The following CNTNAP2 variants were observed in gnomAD, a reference collection of about 807,000 sequenced individuals.
CNTNAP2 encodes contactin associated protein 2.
Under a neutral mutation model 155.2 loss-of-function variants are expected in CNTNAP2, and 98 were observed. The observed-to-expected ratio is 0.63, with a 90% CI of 0.54 to 0.75. The LOEUF is 0.75. CNTNAP2 is among the 30% of genes least tolerant of loss of function. The probability of loss-of-function intolerance (pLI) is 0.00; values close to 1 mark genes in which losing one functional copy is unlikely to be tolerated. For missense variants in CNTNAP2, 1,727 were observed against 1,688.1 expected (o/e 1.02, Z -0.40); for synonymous variants, 651 against 631.2 (o/e 1.03, Z -0.47).
At chr7:148,266,616 A>ATG (rs777213593) in intron 20 of CNTNAP2, among the ~76,000 whole-genome samples, 16 of 132,444 alleles carry the variant, frequency 1.2e-4, no homozygotes, top group South Asian at 4.6e-4. Context: ...GTGTGTGTGT[A>ATG]TGTGTGTGTG....
intron 13 of CNTNAP2, among the ~76,000 whole-genome samples, chr7:147,729,386 C>T (rs559102577): frequency 1.4e-5 from 2 of 147,372 alleles, no homozygotes; most frequent in East Asian, 4.0e-4. Flanking sequence ...TAAGGGCCTC[C>T]CGCTCTAATA....
intron 9 of CNTNAP2, among the ~76,000 whole-genome samples, chr7:147,362,119 G>T (rs960049946): frequency 8.5e-5 from 13 of 152,122 alleles, no homozygotes; most frequent in African/African-American, 3.1e-4. Flanking sequence ...AGTGTTTTCA[G>T]TAAAGGAGTA....
In CNTNAP2 at chr7:147,182,125, C is replaced by CAA. The variant is rs10718876; in HGVS notation, c.1348+49636_1348+49637dup. 4.3e-3 allele frequency among the ~76,000 whole-genome samples: 392 copies of CAA among 92,122 alleles called. 3 individuals are homozygous for CAA. Among genetic ancestry groups the CAA allele is most frequent in the Non-Finnish European group, 5.3e-3 (260 of 48,838 alleles). The allele number at this position is 92,122 out of a possible 152,430, so 60.4% of individuals were successfully genotyped here. ...TGGGCAAGAGAGTGAGACTCCATCT[C>CAA]AAAAAAAAAAAAAAAAAAAAAGAAA... is the stretch of plus-strand genomic sequence containing the variant. On this transcript the variant is annotated intron_variant, in intron 8 of 23. Transcript: ENST00000361727.
At chr7:146,771,912 T>C (rs1802299324) in intron 1 of CNTNAP2, among the ~76,000 whole-genome samples, 1 of 152,114 alleles carries the variant, frequency 6.6e-6, no homozygotes, top group South Asian at 2.1e-4. Context: ...AGCATAAACA[T>C]TTGTGGGGAA....
intron 13 of CNTNAP2, among the ~76,000 whole-genome samples, chr7:147,890,438 C>A (rs1240798585): frequency 6.6e-6 from 1 of 152,068 alleles, no homozygotes; most frequent in Non-Finnish European, 1.5e-5. Context: ...CATAGAAGTT[C>A]CTCAAAAAAT....
intron 1 of CNTNAP2, among the ~76,000 whole-genome samples, chr7:146,488,895 C>T (rs921823602): frequency 3.3e-5 from 5 of 152,130 alleles, no homozygotes; most frequent in African/African-American, 1.2e-4. Context: ...GTTGGGATTA[C>T]GGGTGTGGGC....
intron 16 of CNTNAP2, among the ~76,000 whole-genome samples, chr7:148,127,289 AAAAT>A (rs545016634): frequency 3.9e-5 from 6 of 152,142 alleles, no homozygotes; most frequent in South Asian, 2.1e-4. Flanking sequence ...ACCCTATCTC[AAAAT>A]AAATAAATAA....
intron 8 of CNTNAP2, among the ~76,000 whole-genome samples, chr7:147,255,853 T>C (rs958891004): frequency 6.6e-6 from 1 of 152,154 alleles, no homozygotes; most frequent in African/African-American, 2.4e-5. Context: ...TTCTCATTCC[T>C]CAGCCACCAG....
chr7:147,613,181 C>G (rs912957250), intron 12 of CNTNAP2, among the ~76,000 whole-genome samples: 8 of 152,132 alleles, frequency 5.3e-5, no homozygotes, highest in Admixed American at 2.0e-4. Context: ...TATTTGCCAA[C>G]CTGACAAACA....
At chr7:146,967,467 T>C (rs1043593229) in intron 3 of CNTNAP2, among the ~76,000 whole-genome samples, 97 of 152,292 alleles carry the variant, frequency 6.4e-4, no homozygotes, top group African/African-American at 2.2e-3. Context: ...CATTTCTTTG[T>C]ATCCTGTTTT....
intron 9 of CNTNAP2, among the ~76,000 whole-genome samples, chr7:147,372,495 T>A (rs1174976909): frequency 6.6e-6 from 1 of 152,236 alleles, no homozygotes; most frequent in Non-Finnish European, 1.5e-5. Flanking sequence ...CTGAACTCTA[T>A]CCCAGGAACT....
chr7:147,185,384 A>G (rs1042669802), intron 8 of CNTNAP2, among the ~76,000 whole-genome samples: 6 of 152,202 alleles, frequency 3.9e-5, no homozygotes, highest in Non-Finnish European at 8.8e-5. Flanking sequence ...AGGTATATAT[A>G]CTAGAGAAAT....
At chr7:147,108,458 T>C in intron 5 of CNTNAP2, 108 bp downstream of exon 5, 1 of 945,724 alleles carries the variant, frequency 1.1e-6, no homozygotes. Context: ...GAGCTCATGT[T>C]ATATTTCAAT....
intron 4 of CNTNAP2, among the ~76,000 whole-genome samples, chr7:147,076,229 C>T (rs1463123113): frequency 6.6e-6 from 1 of 152,194 alleles, no homozygotes; most frequent in Admixed American, 6.5e-5. Flanking sequence ...AAAGGTTGAA[C>T]TAGTTTACAG....
In CNTNAP2 at chr7:146,850,265, T is replaced by A. The variant is rs184472141; in HGVS notation, c.402+10361T>A. Among the ~76,000 whole-genome samples the A allele has an allele frequency of 1.8e-4, 27 of 152,306 alleles. No homozygotes were observed. In the East Asian group the frequency reaches 5.2e-3, roughly 29 times the overall value. ...TCTGTCCATTTCCAAATGAAAATAA[T>A]GTTTGAGATAAGTATCTGCATTTCT... is the stretch of plus-strand genomic sequence containing the variant. On this transcript the variant is annotated intron_variant, in intron 3 of 23. Coordinates refer to ENST00000361727, the MANE Select transcript of CNTNAP2 (RefSeq NM_014141.6).
At chr7:146,492,617 A>G (rs886472045) in intron 1 of CNTNAP2, among the ~76,000 whole-genome samples, 1 of 152,232 alleles carries the variant, frequency 6.6e-6, no homozygotes, top group African/African-American at 2.4e-5. Flanking sequence ...TTCAGGCTTC[A>G]TCTCTGCACA....
chr7:147,994,283 A>G (rs1801764983), intron 15 of CNTNAP2, among the ~76,000 whole-genome samples: 1 of 151,870 alleles, frequency 6.6e-6, no homozygotes, highest in Non-Finnish European at 1.5e-5. Context: ...AGGCAGGAGG[A>G]TCACTGGAGC....
At chr7:146,547,845 G>GTTTT (rs386411578) in intron 1 of CNTNAP2, among the ~76,000 whole-genome samples, 4 of 147,960 alleles carry the variant, frequency 2.7e-5, no homozygotes, top group African/African-American at 7.4e-5. Flanking sequence ...CTTTATCATG[G>GTTTT]TTTTTTTTTT....
intron 1 of CNTNAP2, among the ~76,000 whole-genome samples, chr7:146,388,571 C>T (rs1465836919): frequency 6.6e-6 from 1 of 152,102 alleles, no homozygotes; most frequent in African/African-American, 2.4e-5. Flanking sequence ...AATGGGGGAT[C>T]CATCCCCTCA....
Sources: allele counts gnomAD v4.1 joint callset (sites outside exome capture counted in the v4.1 genomes callset), GRCh38; gene constraint gnomAD v4.1.1; transcripts MANE v1.5; gene names NCBI Gene and HGNC (gene_info 2026-07-23, HGNC 2026-07-21).